XPO7: variants seen among roughly 807,000 people sequenced by gnomAD.
XPO7 encodes the protein exportin 7.
Under a neutral mutation model 144.3 loss-of-function variants are expected in XPO7, and 21 were observed. That is an observed-to-expected ratio of 0.15 (90% CI 0.10 to 0.21). XPO7 has a LOEUF of 0.21. XPO7 is among the 10% of genes least tolerant of loss of function. The pLI is 1.00. For synonymous variants in XPO7, 580 were observed against 499.6 expected (o/e 1.16, Z -2.15); for missense variants, 808 against 1,325.8 (o/e 0.61, Z 6.06).
At position 21,991,844 on chromosome 8, in the gene XPO7, C is replaced by T. The variant is rs1028941136; in HGVS notation, c.2042-24C>T. On this transcript the variant is annotated intron_variant, in intron 18 of 27. Coordinates refer to ENST00000252512, the MANE Select transcript of XPO7 (RefSeq NM_015024.5). ...CTTTGAATTCTTGGTATTGGGGTTA[C>T]ACCCTGGGATGTTTCCTTTACAGGA... 15 of 1,585,968 alleles carry T rather than the reference C, an allele frequency of 9.5e-6. No individual in the cohort carries two copies. The Admixed American group carries it at 1.1e-4, about 11-fold the overall frequency.
intron 27 of XPO7, 34 bp from the exon 28 acceptor site, chr8:22,004,961 C>G (rs770411706): frequency 5.1e-6 from 5 of 973,804 alleles, no homozygotes; most frequent in East Asian, 3.5e-5. Flanking sequence ...CCCCCCCACT[C>G]TCCTCCCCCA....
intron 1 of XPO7, among the ~76,000 whole-genome samples, chr8:21,924,908 A>G (rs1310951230): frequency 6.6e-6 from 1 of 152,238 alleles, no homozygotes; most frequent in Non-Finnish European, 1.5e-5. Context: ...TTAAGCATCT[A>G]CTAATATCCC....
At chr8:21,983,568 G>C (rs1453778363) in intron 11 of XPO7, among the ~76,000 whole-genome samples, 2 of 152,178 alleles carry the variant, frequency 1.3e-5, no homozygotes, top group Non-Finnish European at 2.9e-5. Context: ...GAGTATTCAT[G>C]AAGTTCACCA....
intron 9 of XPO7, among the ~76,000 whole-genome samples, chr8:21,981,223 A>G (rs1282415061): frequency 1.3e-5 from 2 of 152,238 alleles, no homozygotes; most frequent in African/African-American, 4.8e-5. Context: ...TATCATATAA[A>G]TACTACTATA....
chr8:21,935,864 G>T (rs967420104), intron 1 of XPO7, among the ~76,000 whole-genome samples: 2 of 151,976 alleles, frequency 1.3e-5, no homozygotes, highest in Non-Finnish European at 2.9e-5. Flanking sequence ...CTCTCTCTCT[G>T]TCTCGTCTGC....
chr8:21,935,769 A>G (rs887506696), intron 1 of XPO7, among the ~76,000 whole-genome samples: 4 of 151,958 alleles, frequency 2.6e-5, no homozygotes, highest in Non-Finnish European at 4.4e-5. Flanking sequence ...CTTCCTACTA[A>G]TTAAATCCAT....
chr8:21,973,279 C>G (rs1812124866), intron 5 of XPO7, among the ~76,000 whole-genome samples: 1 of 152,172 alleles, frequency 6.6e-6, no homozygotes, highest in African/African-American at 2.4e-5. Context: ...CTTGGCCCCA[C>G]AGAGTACATA....
At chr8:21,956,778 A>T (rs1811549771) in intron 1 of XPO7, among the ~76,000 whole-genome samples, 1 of 147,714 alleles carries the variant, frequency 6.8e-6, no homozygotes. Flanking sequence ...CCACACTTGC[A>T]ATTTTGGGCT....
chr8:21,966,120 C>G (rs1811874695), intron 1 of XPO7: 2 of 623,180 alleles, frequency 3.2e-6, no homozygotes, highest in Non-Finnish European at 2.9e-6. Flanking sequence ...CTTCCTGCCT[C>G]CCTGGAACTG....
chr8:21,977,949 TAG>T, intron 8 of XPO7, 106 bp downstream of exon 8: 1 of 954,892 alleles, frequency 1.0e-6, no homozygotes. Flanking sequence ...AAGTAAAGCA[TAG>T]AAATACTAGG....
Position 22,005,715 on chromosome 8 carries a change from G to C in XPO7, c.*627G>C, listed in dbSNP as rs1813307755. 1 of 152,170 alleles carries C rather than the reference G, an allele frequency of 6.6e-6. No individual in the cohort carries two copies. The highest frequency in any genetic ancestry group is 2.4e-5 in the African/African-American group (1 of 41,438). The allele number at this position is 152,170 out of a possible 1,614,324, so 9.4% of individuals were successfully genotyped here. On this transcript the variant is annotated 3_prime_UTR_variant, in exon 28 of 28. Coordinates refer to ENST00000252512, the MANE Select transcript of XPO7 (RefSeq NM_015024.5). Reference sequence around the variant, plus strand: ...CCAGAAATGATCAATTCCTGTTACTGTATTAACCCTTGTTATTAGGAACTC... The same window carrying C: ...CCAGAAATGATCAATTCCTGTTACTCTATTAACCCTTGTTATTAGGAACTC...
rs1011073393 is a variant in XPO7 at position 21,919,737 on chromosome 8, A to C, written c.-34A>C. 1.2e-5 allele frequency: 3 copies of C among 258,816 alleles called. No individual in the cohort carries two copies. The highest frequency in any genetic ancestry group is 4.9e-5 in the African/African-American group (2 of 41,150). 16.0% of individuals were successfully genotyped at this position (258,816 alleles called of 1,614,324 possible). ...CCGGCCGAGGTGCGCGCTGGGGGGGAGGGGGGGCCGGAGAGGAGCATGAAT... is the reference window on the plus strand; with the variant it reads ...CCGGCCGAGGTGCGCGCTGGGGGGGCGGGGGGGCCGGAGAGGAGCATGAAT... On this transcript the variant is annotated 5_prime_UTR_variant, in exon 1 of 28. Transcript: ENST00000252512.
intron 1 of XPO7, among the ~76,000 whole-genome samples, chr8:21,931,511 TTC>T (rs1198801669): frequency 6.6e-6 from 1 of 152,244 alleles, no homozygotes; most frequent in Non-Finnish European, 1.5e-5. Flanking sequence ...TGGTATTTTA[TTC>T]TGTTTTGTTT....
In XPO7 at chr8:21,971,203, A is replaced by G. The variant is rs555855496; in HGVS notation, c.427-673A>G. Among the ~76,000 whole-genome samples the G allele has an allele frequency of 2.0e-5, 3 of 152,328 alleles. No homozygotes were observed. In the South Asian group the frequency reaches 6.2e-4, roughly 32 times the overall value. On this transcript the variant is annotated intron_variant, in intron 4 of 27. Coordinates refer to ENST00000252512, the MANE Select transcript of XPO7 (RefSeq NM_015024.5). ...GCCTAGGTGTGTAGTAGACTGTACC[A>G]TCTAGGTTTATGTAAGTACACTCTA...
At position 22,005,383 on chromosome 8, in the gene XPO7, C is replaced by T. The variant is rs564363316; in HGVS notation, c.*295C>T. On this transcript the variant is annotated 3_prime_UTR_variant, in exon 28 of 28. Transcript: ENST00000252512. ...TGGGGCCACCCAAGTGGGGAGAACC[C>T]CTAGTGTCCTGCCACAACCTGCCTT... 3 of 269,446 alleles carry T rather than the reference C, an allele frequency of 1.1e-5. No individual in the cohort carries two copies. The Admixed American group carries it at 1.6e-4, about 14-fold the overall frequency. The allele number at this position is 269,446 out of a possible 1,614,324, so 16.7% of individuals were successfully genotyped here.
At chr8:21,983,157 T>C (rs899456611) in intron 11 of XPO7, among the ~76,000 whole-genome samples, 6 of 152,376 alleles carry the variant, frequency 3.9e-5, no homozygotes, top group South Asian at 2.1e-4. Flanking sequence ...GTGTAACTTA[T>C]AGGTGCTTAA....
chr8:21,947,337 A>G (rs1454982656), intron 1 of XPO7, among the ~76,000 whole-genome samples: 1 of 152,220 alleles, frequency 6.6e-6, no homozygotes, highest in Non-Finnish European at 1.5e-5. Flanking sequence ...GGGGAGAAAA[A>G]TGGAATTCAA....
intron 1 of XPO7, among the ~76,000 whole-genome samples, chr8:21,934,937 C>G (rs1283519376): frequency 6.6e-6 from 1 of 152,170 alleles, no homozygotes; most frequent in African/African-American, 2.4e-5. Context: ...TGAAAGTACA[C>G]CACAAAGCAG....
At chr8:22,000,514 G>A (rs969371371) in intron 24 of XPO7, among the ~76,000 whole-genome samples, 4 of 148,968 alleles carry the variant, frequency 2.7e-5, no homozygotes, top group Non-Finnish European at 5.9e-5. Flanking sequence ...GTGCAGTGGC[G>A]CGATCTCAGC....
Sources: gnomAD v4.1 joint callset for allele counts (sites outside exome capture counted in the v4.1 genomes callset) on GRCh38, gnomAD v4.1.1 for gene constraint, MANE v1.5 for transcripts, NCBI Gene and HGNC (gene_info 2026-07-23, HGNC 2026-07-21) for gene names.